Variants in TBL1X observed in about 807,000 individuals in gnomAD.
The protein encoded by TBL1X is F-box-like/WD repeat-containing protein TBL1X.
In TBL1X, 10 loss-of-function variants were observed where a neutral mutation model predicts 50.7. The ratio of observed to expected loss-of-function variants is 0.20; its 90% CI spans 0.12 to 0.33. The LOEUF is 0.33. Ranked by LOEUF, TBL1X falls within the 10% of genes least tolerant of loss-of-function variation. The pLI is 1.00. For missense variants in TBL1X, 340 were observed against 504.4 expected (o/e 0.67, Z 3.12); for synonymous variants, 190 against 214.7 (o/e 0.88, Z 1.01).
intron 6 of TBL1X, among the ~76,000 whole-genome samples, chrX:9,685,717 C>CTTTTT (rs752837096): frequency 6.0e-4 from 36 of 59,587 alleles, no homozygotes; most frequent in African/African-American, 6.1e-4. Context: ...CTTTTCTTTT[C>CTTTTT]TTTTTTTTTT....
intron 11 of TBL1X, among the ~76,000 whole-genome samples, 200 bp downstream of exon 11, chrX:9,693,619 G>C (rs190184479): frequency 8.9e-6 from 1 of 111,824 alleles, no homozygotes; most frequent in East Asian, 2.8e-4. Context: ...ATATTCTGCT[G>C]TTCTGCAGAC....
At chrX:9,519,111 G>A (rs757087570) in intron 2 of TBL1X, among the ~76,000 whole-genome samples, 1 of 111,832 alleles carries the variant, frequency 8.9e-6, no homozygotes, top group African/African-American at 3.3e-5. Flanking sequence ...AGGAGATGCC[G>A]CGTGGTTTCT....
chrX:9,515,661 C>T (rs2082077970), intron 2 of TBL1X, among the ~76,000 whole-genome samples: 1 of 112,298 alleles, frequency 8.9e-6, no homozygotes, highest in Non-Finnish European at 1.9e-5. Flanking sequence ...GCCTGCGTGA[C>T]TTGTAGAAAC....
chrX:9,469,455 G>T (rs925766527), intron 1 of TBL1X, among the ~76,000 whole-genome samples: 3 of 112,317 alleles, frequency 2.7e-5, no homozygotes, highest in Non-Finnish European at 5.6e-5. Context: ...GAGCCATCGC[G>T]CCCGGCTAGC....
intron 2 of TBL1X, among the ~76,000 whole-genome samples, chrX:9,578,846 T>C (rs770623408): frequency 1.3e-4 from 15 of 112,339 alleles, no homozygotes; most frequent in Non-Finnish European, 2.6e-4. Flanking sequence ...ATCACTTTTA[T>C]CTTATTTGCA....
At chrX:9,599,818 C>T (rs757318045) in intron 2 of TBL1X, among the ~76,000 whole-genome samples, 2 of 112,508 alleles carry the variant, frequency 1.8e-5, no homozygotes, top group African/African-American at 3.2e-5. Context: ...TTTGTGATTA[C>T]AAGCAAAATC....
chrX:9,563,296 T>C (rs1176476902), intron 2 of TBL1X, among the ~76,000 whole-genome samples: 1 of 113,089 alleles, frequency 8.8e-6, no homozygotes, highest in Non-Finnish European at 1.9e-5. Context: ...GAAGGAGTAC[T>C]GTTTATACTT....
chrX:9,611,295 C>T (rs1219607235), intron 2 of TBL1X, among the ~76,000 whole-genome samples: 2 of 112,522 alleles, frequency 1.8e-5, no homozygotes, highest in Non-Finnish European at 3.8e-5. Context: ...AACATACAAG[C>T]AAAACACTCT....
intron 5 of TBL1X, among the ~76,000 whole-genome samples, chrX:9,676,329 G>A (rs192630513): frequency 1.2e-3 from 138 of 111,680 alleles, no homozygotes; most frequent in Non-Finnish European, 2.0e-3. Flanking sequence ...TACCCTAGCC[G>A]AGGCCCGTCC....
intron 5 of TBL1X, among the ~76,000 whole-genome samples, chrX:9,665,467 T>C (rs2082921759): frequency 1.5e-5 from 1 of 66,338 alleles, no homozygotes; most frequent in Non-Finnish European, 2.7e-5. Context: ...AAAATCAACT[T>C]AATTAAAAAC....
intron 2 of TBL1X, among the ~76,000 whole-genome samples, chrX:9,625,188 T>C (rs2082686318): frequency 8.9e-6 from 1 of 112,537 alleles, no homozygotes; most frequent in East Asian, 2.8e-4. Context: ...TAAAAACACA[T>C]AAAAGTTTCA....
intron 2 of TBL1X, among the ~76,000 whole-genome samples, chrX:9,617,207 C>G (rs2082643599): frequency 9.0e-6 from 1 of 111,347 alleles, no homozygotes; most frequent in African/African-American, 3.3e-5. Context: ...CACGGCATTT[C>G]AAAGAGATGC....
At chrX:9,484,545 C>T (rs1031937913) in intron 1 of TBL1X, among the ~76,000 whole-genome samples, 2 of 111,001 alleles carry the variant, frequency 1.8e-5, no homozygotes, top group Non-Finnish European at 3.8e-5. Flanking sequence ...GTCTCTCCCT[C>T]AGCATCATGA....
chrX:9,562,588 A>T (rs2147000909), intron 2 of TBL1X, among the ~76,000 whole-genome samples: 1 of 112,218 alleles, frequency 8.9e-6, no homozygotes, highest in African/African-American at 3.2e-5. Flanking sequence ...CTACAAGCTT[A>T]ATAAGATTCC....
intron 2 of TBL1X, among the ~76,000 whole-genome samples, chrX:9,616,631 C>T (rs778397703): frequency 8.9e-6 from 1 of 112,262 alleles, no homozygotes; most frequent in Non-Finnish European, 1.9e-5. Flanking sequence ...TTTAATAACA[C>T]GTTCTGACCC....
intron 2 of TBL1X, among the ~76,000 whole-genome samples, chrX:9,591,359 G>A (rs2082498988): frequency 8.9e-6 from 1 of 111,999 alleles, no homozygotes; most frequent in African/African-American, 3.3e-5. Context: ...GCCTCCTGTT[G>A]ACCTTTCTTC....
chrX:9,700,853 C>A lies in TBL1X; in HGVS notation c.1114+3424C>A, dbSNP rs1320917230. 3.6e-5 allele frequency among the ~76,000 whole-genome samples: 4 copies of A among 111,862 alleles called. No individual in the cohort carries two copies. The East Asian group carries it at 1.1e-3, about 32-fold the overall frequency. On this transcript the variant is annotated intron_variant, in intron 12 of 17. Coordinates refer to ENST00000645353, the MANE Select transcript of TBL1X (RefSeq NM_005647.4). ...GGAATGAACTATTGATGCACGACAG[C>A]CAGGAGAGATCTCAAGGGCATTTTG...
Position 9,565,145 on chromosome X carries a change from A to G in TBL1X, c.-131+63296A>G, listed in dbSNP as rs778547471. Among the ~76,000 whole-genome samples the G allele has an allele frequency of 2.1e-3, 222 of 106,223 alleles. 1 individual carries two copies. The highest frequency in any genetic ancestry group is 7.2e-3 in the African/African-American group (209 of 29,062). 92.2% of individuals were successfully genotyped at this position (106,223 alleles called of 115,157 possible). A position where few individuals can be genotyped will look rare whatever the true frequency, so the allele number is the denominator to read the frequency against. On this transcript the variant is annotated intron_variant, in intron 2 of 17. Coordinates refer to ENST00000645353, the MANE Select transcript of TBL1X (RefSeq NM_005647.4). Reference sequence around the variant, plus strand: ...AAATTAGCCGGGCGTGGTGTTGGGCACCTGTAGTCCCAGCTACTCGGGAGG... The same window carrying G: ...AAATTAGCCGGGCGTGGTGTTGGGCGCCTGTAGTCCCAGCTACTCGGGAGG...
intron 17 of TBL1X, 108 bp from the exon 18 acceptor site, chrX:9,716,112 C>T (rs1243962115): frequency 7.3e-6 from 6 of 819,162 alleles, no homozygotes; most frequent in Admixed American, 2.6e-5. Flanking sequence ...TGACAAACAT[C>T]GGTGGAGGGC....
Sources: gnomAD v4.1 joint callset for allele counts (sites outside exome capture counted in the v4.1 genomes callset) on GRCh38, gnomAD v4.1.1 for gene constraint, MANE v1.5 for transcripts, NCBI Gene and HGNC (gene_info 2026-07-23, HGNC 2026-07-21) for gene names.